SUPT6H: variants seen among roughly 807,000 people sequenced by gnomAD.
SUPT6H encodes transcription elongation factor SPT6.
In SUPT6H, 11 loss-of-function variants were observed where a neutral mutation model predicts 222.3. The observed-to-expected ratio is 0.05, with a 90% CI of 0.03 to 0.08. The LOEUF is 0.08. Ranked by LOEUF, SUPT6H falls within the 10% of genes least tolerant of loss-of-function variation. The probability of loss-of-function intolerance (pLI) is 1.00; values close to 1 mark genes in which losing one functional copy is unlikely to be tolerated. For synonymous variants in SUPT6H, 762 were observed against 801.2 expected, an observed-to-expected ratio of 0.95 and a Z score of 0.83; for missense variants, 1,422 against 2,216.0, an observed-to-expected ratio of 0.64 and a Z score of 7.19.
rs71135839 is a variant in SUPT6H at position 28,663,828 on chromosome 17, A to ATTTTTTTT, written c.-32+1496_-32+1503dup. 4.0e-3 allele frequency among the ~76,000 whole-genome samples: 154 copies of ATTTTTTTT among 38,392 alleles called. 25 individuals are homozygous for ATTTTTTTT. Among genetic ancestry groups the ATTTTTTTT allele is most frequent in the African/African-American group, 6.5e-3 (68 of 10,486 alleles). The allele number at this position is 38,392 out of a possible 152,430, so 25.2% of individuals were successfully genotyped here. ...ATCTGGCTTCTCTTCTGCCCACTCC[A>ATTTTTTTT]TTTTTTTTTTTTTTTTTGTGGAGAC... is the stretch of plus-strand genomic sequence containing the variant. On this transcript the variant is annotated intron_variant, in intron 1 of 36. Coordinates refer to ENST00000314616, the MANE Select transcript of SUPT6H (RefSeq NM_003170.5).
chr17:28,683,797 C>T lies in SUPT6H; in HGVS notation c.2210C>T (p.Ala737Val), dbSNP rs765765338. ...KELKNKLLAE[A>V]KEYVIKACSR... The stretch of plus-strand genomic sequence containing the variant: ...CTCAAGAACAAGCTGCTGGCTGAAG[C>T]CAAGGAATATGTCATAAAGGTGAGG... The change falls in exon 17 of 37, where the codon GCC (alanine) becomes GTC (valine). Residue 737 changes from alanine (A) to valine (V), a missense_variant. Around this residue, in one of 13 missense-constraint regions of SUPT6H, gnomAD observed 294 missense variants for 382.1 expected, o/e 0.77. Transcript: ENST00000314616. 2 of 1,613,020 alleles carry T rather than the reference C, an allele frequency of 1.2e-6. No homozygotes were observed. Among genetic ancestry groups the T allele is most frequent in the Non-Finnish European group, 1.7e-6 (2 of 1,179,824 alleles).
In SUPT6H at chr17:28,687,456, G is replaced by A; in HGVS notation, c.2991G>A (p.Gly997=). The stretch of plus-strand genomic sequence containing the variant: ...TTTGTGGCCTGGGACCTCGGAAAGG[G>A]ACCCACCTCCTGAAGGTAGGATTGG... The part of the protein sequence containing the change: ...QYVCGLGPRK[G]THLLKILKQN... The change falls in exon 23 of 37, where the codon GGG becomes GGA. Residue 997 remains glycine, a synonymous_variant. Coordinates refer to ENST00000314616, the MANE Select transcript of SUPT6H (RefSeq NM_003170.5). The A allele has an allele frequency of 6.2e-7, 1 of 1,614,038 alleles. No individual in the cohort carries two copies. The highest frequency in any genetic ancestry group is 8.5e-7 in the Non-Finnish European group (1 of 1,180,014).
At chr17:28,662,601 G>T (rs1248092195) in intron 1 of SUPT6H, among the ~76,000 whole-genome samples, 1 of 152,146 alleles carries the variant, frequency 6.6e-6, no homozygotes, top group Non-Finnish European at 1.5e-5. Flanking sequence ...CTGGCATCCC[G>T]TCCTTCTCTC....
intron 5 of SUPT6H, 108 bp downstream of exon 5, chr17:28,675,270 C>T: frequency 6.7e-7 from 1 of 1,484,314 alleles, no homozygotes; most frequent in Non-Finnish European, 9.2e-7. Context: ...CAGCATTTGA[C>T]ACAAAGAAGT....
chr17:28,667,605 C>T (rs2030160574), intron 1 of SUPT6H, among the ~76,000 whole-genome samples: 1 of 150,338 alleles, frequency 6.7e-6, no homozygotes. Flanking sequence ...CCACCCTAGA[C>T]TTCTGGGGCT....
chr17:28,675,383 C>T lies in SUPT6H; in HGVS notation c.539-18C>T, dbSNP rs1176271350. 7 of 1,613,694 alleles carry T rather than the reference C, an allele frequency of 4.3e-6. No individual in the cohort carries two copies. Among genetic ancestry groups the T allele is most frequent in the Admixed American group, 1.7e-5 (1 of 60,014 alleles). ...CAGCCCCTGACTCTGAGCCCCAACC[C>T]ATCCTTTTCCTACCCAGATATTGAC... On this transcript the variant is annotated intron_variant, in intron 5 of 36. Transcript: ENST00000314616.
chr17:28,683,390 T>C lies in SUPT6H; in HGVS notation c.2001T>C (p.Thr667=), dbSNP rs750529244. ...CLAEDEGLLT[T]DISIDLKGVE... is the part of the protein sequence containing the mutation. ...CTGAAGACGAAGGGCTCCTCACCACTGACATCAGCATAGATTTGAAGGGAG... is the reference window on the plus strand; with the variant it reads ...CTGAAGACGAAGGGCTCCTCACCACCGACATCAGCATAGATTTGAAGGGAG... The change falls in exon 16 of 37, where the codon ACT becomes ACC. Residue 667 remains threonine, a synonymous_variant. Coordinates refer to ENST00000314616, the MANE Select transcript of SUPT6H (RefSeq NM_003170.5). 2.7e-5 allele frequency: 44 copies of C among 1,614,010 alleles called. No individual in the cohort carries two copies. Among genetic ancestry groups the C allele is most frequent in the Non-Finnish European group, 3.6e-5 (43 of 1,180,042 alleles).
intron 1 of SUPT6H, among the ~76,000 whole-genome samples, chr17:28,667,448 T>C (rs1453362090): frequency 7.1e-6 from 1 of 140,962 alleles, no homozygotes; most frequent in Non-Finnish European, 1.5e-5. Context: ...TATGTGTGTG[T>C]GTATACATAT....
At chr17:28,679,989 T>G (rs1231951646) in intron 11 of SUPT6H, among the ~76,000 whole-genome samples, 1 of 63,000 alleles carries the variant, frequency 1.6e-5, no homozygotes, top group Non-Finnish European at 3.5e-5. Flanking sequence ...AGACTCCATC[T>G]CAAAAAAAAA....
chr17:28,682,615 T>G (rs1490146914), intron 13 of SUPT6H, 112 bp from the exon 14 acceptor site: 15 of 1,456,576 alleles, frequency 1.0e-5, no homozygotes, highest in Non-Finnish European at 6.5e-6. Context: ...AGCGAGACCG[T>G]CTCAGGAAAA....
rs2031582240 is a variant in SUPT6H at position 28,690,321 on chromosome 17, G to GT, written c.3490+95dup. On this transcript the variant is annotated intron_variant, in intron 26 of 36. Coordinates refer to ENST00000314616, the MANE Select transcript of SUPT6H (RefSeq NM_003170.5). ...CAGCAGTTCCAACAGATTGAGGCAG[G>GT]TTTGTGTTGTACATGGGGAAGGCCA... 4 of 1,504,724 alleles carry GT rather than the reference G, an allele frequency of 2.7e-6. No individual in the cohort carries two copies. In the South Asian group the frequency reaches 5.0e-5, roughly 19 times the overall value. 93.2% of individuals were successfully genotyped at this position (1,504,724 alleles called of 1,614,324 possible). A position where few individuals can be genotyped will look rare whatever the true frequency, so the allele number is the denominator to read the frequency against.
rs759801188 is a variant in SUPT6H at position 28,676,348 on chromosome 17, A to G, written c.815A>G (p.Tyr272Cys). The change falls in exon 7 of 37, where the codon TAT (tyrosine) becomes TGT (cysteine). Residue 272 changes from tyrosine (Y) to cysteine (C), a missense_variant. Transcript: ENST00000314616. ...AGCCGTAGGAGCATCTTTGAAATGT[A>G]TGAGCCCAGTGAGCTAGAAAGCAGC... ...RVSRRSIFEM[Y>C]EPSELESSHL... is the part of the protein sequence containing the mutation. The G allele has an allele frequency of 6.2e-7, 1 of 1,613,784 alleles. No homozygotes were observed. Among genetic ancestry groups the G allele is most frequent in the Admixed American group, 1.7e-5 (1 of 59,962 alleles).
chr17:28,667,915 A>C (rs897460140), intron 1 of SUPT6H, among the ~76,000 whole-genome samples: 8 of 152,086 alleles, frequency 5.3e-5, no homozygotes, highest in Admixed American at 3.3e-4. Context: ...TCTAAAAAAA[A>C]AAAACCCAGC....
At chr17:28,668,518 T>C (rs576250940) in intron 1 of SUPT6H, among the ~76,000 whole-genome samples, 7 of 152,276 alleles carry the variant, frequency 4.6e-5, no homozygotes, top group African/African-American at 1.7e-4. Context: ...AGTGTGTGCT[T>C]TATTGCTAAC....
chr17:28,695,673 T>C, intron 29 of SUPT6H, 126 bp downstream of exon 29: 2 of 1,118,862 alleles, frequency 1.8e-6, no homozygotes, highest in Non-Finnish European at 2.5e-6. Context: ...TTTGAGGTGC[T>C]AAGGCCTGGA....
chr17:28,673,207 G>A (rs911093462), intron 1 of SUPT6H, among the ~76,000 whole-genome samples, 164 bp from the exon 2 acceptor site: 2 of 151,862 alleles, frequency 1.3e-5, no homozygotes. Context: ...AATGGATAAT[G>A]GAAGAGTTGG....
intron 11 of SUPT6H, among the ~76,000 whole-genome samples, 169 bp downstream of exon 11, chr17:28,679,132 G>A (rs1273170113): frequency 1.3e-5 from 2 of 152,178 alleles, no homozygotes; most frequent in Non-Finnish European, 2.9e-5. Flanking sequence ...AGCAATTTGG[G>A]AGGCCGAGGC....
intron 29 of SUPT6H, among the ~76,000 whole-genome samples, chr17:28,696,278 C>T (rs1275563060): frequency 1.5e-5 from 2 of 133,260 alleles, no homozygotes; most frequent in Non-Finnish European, 3.1e-5. Flanking sequence ...ACGTGGGTGA[C>T]AGAGTGAGAC....
chr17:28,700,204 G>A lies in SUPT6H; in HGVS notation c.4593G>A (p.Arg1531=). ...GITPSSSSRT[R]TPASINATPA... is the part of the protein sequence containing the mutation. ...CCCCTAGCAGCAGCAGCAGGACCCG[G>A]ACACCTGCCTCTATCAATGCTACCC... The change falls in exon 34 of 37, where the codon CGG becomes CGA. Residue 1531 remains arginine, a synonymous_variant. Coordinates refer to ENST00000314616, the MANE Select transcript of SUPT6H (RefSeq NM_003170.5). 1 of 1,614,162 alleles carries A rather than the reference G, an allele frequency of 6.2e-7. No individual in the cohort carries two copies. The highest frequency in any genetic ancestry group is 8.5e-7 in the Non-Finnish European group (1 of 1,180,022).
Sources: allele counts gnomAD v4.1 joint callset (sites outside exome capture counted in the v4.1 genomes callset), GRCh38; gene constraint gnomAD v4.1.1; regional missense constraint gnomAD v4.1.1; transcripts MANE v1.5; gene names NCBI Gene and HGNC (gene_info 2026-07-23, HGNC 2026-07-21).